KNL1: variants seen among roughly 807,000 people sequenced by gnomAD.
The protein encoded by KNL1 is outer kinetochore KNL1 complex subunit KNL1.
A neutral mutation model predicts 201.3 loss-of-function variants in KNL1; 66 were observed. That is an observed-to-expected ratio of 0.33 (90% CI 0.27 to 0.40). The LOEUF (loss-of-function observed/expected upper bound fraction) is 0.40. KNL1 is among the 10% of genes least tolerant of loss of function. The pLI is 1.00. For synonymous variants in KNL1, 895 were observed against 899.2 expected (o/e 1.00, Z 0.08); for missense variants, 2,815 against 2,690.5 (o/e 1.05, Z -1.02).
chr15:40,601,776 C>T lies in KNL1; in HGVS notation c.-17-1139C>T, dbSNP rs1276947378. On this transcript the variant is annotated intron_variant, in intron 1 of 25. Coordinates refer to ENST00000399668, the MANE Select transcript of KNL1 (RefSeq NM_144508.5). ...CCGGGAGGCGGAGCTTGCAGTGAGC[C>T]GAGATGGCGCCGCTGCTCTCCAGCC... Among the ~76,000 whole-genome samples the T allele has an allele frequency of 2.1e-5, 3 of 141,172 alleles. 1 individual carries two copies. In the South Asian group the frequency reaches 7.3e-4, roughly 35 times the overall value. The allele number at this position is 141,172 out of a possible 152,430, so 92.6% of individuals were successfully genotyped here. A position where few individuals can be genotyped will look rare whatever the true frequency, so the allele number is the denominator to read the frequency against.
At chr15:40,646,923 T>G (rs191110978) in intron 16 of KNL1, 64 bp from the exon 17 acceptor site, 95 of 755,916 alleles carry the variant, frequency 1.3e-4, no homozygotes, top group Middle Eastern at 2.7e-4. Context: ...TGTGAGCAGT[T>G]TGAACCATTT....
intron 7 of KNL1, 60 bp from the exon 8 acceptor site, chr15:40,615,281 T>C (rs1567004053): frequency 5.8e-6 from 3 of 515,798 alleles, no homozygotes; most frequent in Non-Finnish European, 1.0e-5. Context: ...TCAGCTGTTA[T>C]TGAAAGATTC....
At chr15:40,611,214 T>G (rs1373211063) in intron 6 of KNL1, among the ~76,000 whole-genome samples, 1 of 151,912 alleles carries the variant, frequency 6.6e-6, no homozygotes, top group Non-Finnish European at 1.5e-5. Context: ...GTTCAAGCAA[T>G]TCTCCTACCT....
At chr15:40,657,579 T>C (rs1893771914) in intron 24 of KNL1, 106 bp downstream of exon 24, 2 of 643,174 alleles carry the variant, frequency 3.1e-6, no homozygotes, top group South Asian at 1.9e-5. Context: ...AAGCGGGTGT[T>C]ATTCTTTCTG....
chr15:40,647,109 T>G lies in KNL1; in HGVS notation c.6094+35T>G, dbSNP rs1893413168. The G allele has an allele frequency of 2.8e-6, 3 of 1,067,792 alleles. No homozygotes were observed. The South Asian group carries it at 3.8e-5, about 14-fold the overall frequency. The allele number at this position is 1,067,792 out of a possible 1,614,324, so 66.1% of individuals were successfully genotyped here. A position where few individuals can be genotyped will look rare whatever the true frequency, so the allele number is the denominator to read the frequency against. ...TTTAAATACTTTTCCAAAAGAAAAT[T>G]TAATTTTATCTAAATGCTCTCCTAC... On this transcript the variant is annotated intron_variant, in intron 17 of 25. Coordinates refer to ENST00000399668, the MANE Select transcript of KNL1 (RefSeq NM_144508.5).
Position 40,624,660 on chromosome 15 carries a change from A to G in KNL1, c.4396A>G (p.Ile1466Val). Residue 1466 changes from isoleucine to valine, a missense_variant, in exon 10 of 26, where the codon ATA (isoleucine) becomes GTA (valine). Physicochemically the swap from Ile to Val is conservative, Grantham distance 29. Coordinates refer to ENST00000399668, the MANE Select transcript of KNL1 (RefSeq NM_144508.5). ...GQSSINKEEV[I>V]LSKAGNKSLN... ...GAGTAGTATCAATAAAGAAGAAGTA[A>G]TACTGTCTAAAGCTGGAAATAAGAG... 1 of 1,613,786 alleles carries G rather than the reference A, an allele frequency of 6.2e-7. No individual in the cohort carries two copies. Among genetic ancestry groups the G allele is most frequent in the Non-Finnish European group, 8.5e-7 (1 of 1,179,792 alleles).
rs765492690 is a variant in KNL1 at position 40,618,984 on chromosome 15, C to T, written c.348C>T (p.Pro116=). ...ITGMNTLLSA[P]IHTQMQQKEF... is the part of the protein sequence containing the mutation. The stretch of plus-strand genomic sequence containing the variant: ...GGATGAACACATTGCTTTCTGCTCC[C>T]ATTCATACCCAGATGCAACAGAAGG... Residue 116 remains proline, a synonymous_variant, in exon 9 of 26, where the codon CCC becomes CCT. Coordinates refer to ENST00000399668, the MANE Select transcript of KNL1 (RefSeq NM_144508.5). 7.5e-6 allele frequency: 12 copies of T among 1,606,620 alleles called. No homozygotes were observed. In the East Asian group the frequency reaches 2.7e-4, roughly 36 times the overall value.
intron 24 of KNL1, among the ~76,000 whole-genome samples, 165 bp from the exon 25 acceptor site, chr15:40,659,174 A>T (rs1893829055): frequency 6.6e-6 from 1 of 150,730 alleles, no homozygotes; most frequent in Non-Finnish European, 1.5e-5. Flanking sequence ...GCTACTTGGG[A>T]GAATCGATAG....
chr15:40,638,242 G>A (rs1338354674), intron 13 of KNL1, among the ~76,000 whole-genome samples: 1 of 88,994 alleles, frequency 1.1e-5, no homozygotes, highest in East Asian at 3.8e-4. Flanking sequence ...GGGAGGGGAG[G>A]GGAAGGGAGG....
chr15:40,661,824 C>CTTG (rs1219788321), intron 25 of KNL1, among the ~76,000 whole-genome samples: 1 of 152,034 alleles, frequency 6.6e-6, no homozygotes, highest in East Asian at 1.9e-4. Context: ...GGGTGGATCA[C>CTTG]AAGGCCAGGA....
chr15:40,640,182 C>T lies in KNL1; in HGVS notation c.5683-730C>T, dbSNP rs558114420. Among the ~76,000 whole-genome samples the T allele has an allele frequency of 3.4e-5, 5 of 149,200 alleles. No homozygotes were observed. In the East Asian group the frequency reaches 9.9e-4, roughly 30 times the overall value. ...CGCAATCTCGGCTCACTGCAGCCTA[C>T]ACCTCCTGGGCTCAAGTAATTCTCC... On this transcript the variant is annotated intron_variant, in intron 13 of 25. Coordinates refer to ENST00000399668, the MANE Select transcript of KNL1 (RefSeq NM_144508.5).
chr15:40,616,920 T>C (rs116869177), intron 8 of KNL1, among the ~76,000 whole-genome samples: 2,145 of 152,328 alleles, frequency 0.014, 21 homozygotes, highest in Non-Finnish European at 0.023. Context: ...AAACTCTTTT[T>C]CTGCCTATAT....
chr15:40,603,874 G>A (rs1221832141), intron 2 of KNL1, among the ~76,000 whole-genome samples: 1 of 152,196 alleles, frequency 6.6e-6, no homozygotes, highest in Non-Finnish European at 1.5e-5. Flanking sequence ...GGTGTTTTAT[G>A]CAGACATTTT....
rs369221746 is a variant in KNL1, at chr15:40,625,328, G to A, written c.5064G>A (p.Pro1688=). The A allele has an allele frequency of 5.6e-6, 9 of 1,613,890 alleles. No homozygotes were observed. The South Asian group carries it at 7.7e-5, about 14-fold the overall frequency. The change falls in exon 10 of 26, where the codon CCG becomes CCA. Residue 1688 remains proline (P), a synonymous_variant. Coordinates refer to ENST00000399668, the MANE Select transcript of KNL1 (RefSeq NM_144508.5). ...TTDINHLETQ[P]VSSKDSGIGS... ...ATATAAATCACTTAGAAACTCAGCC[G>A]GTCTCTAGCAAAGATTCAGGCATTG...
Position 40,652,171 on chromosome 15 carries a change from A to G in KNL1, c.6415+66A>G, listed in dbSNP as rs944511564. On this transcript the variant is annotated intron_variant, in intron 21 of 25. Coordinates refer to ENST00000399668, the MANE Select transcript of KNL1 (RefSeq NM_144508.5). ...AATGGCTACACTCACTAAAGATTCA[A>G]ATCTTTATTTTACTATACTGATAAC... The G allele has an allele frequency of 1.3e-4, 137 of 1,063,088 alleles. No homozygotes were observed. In the East Asian group the frequency reaches 3.0e-3, roughly 23 times the overall value. The allele number at this position is 1,063,088 out of a possible 1,614,324, so 65.9% of individuals were successfully genotyped here. A position where few individuals can be genotyped will look rare whatever the true frequency, so the allele number is the denominator to read the frequency against.
At position 40,625,204 on chromosome 15, in the gene KNL1, G is replaced by A. The variant is rs1419185118; in HGVS notation, c.4940G>A (p.Arg1647Lys). The change falls in exon 10 of 26, where the codon AGA becomes AAA. Residue 1647 changes from arginine (R) to lysine (K), a missense_variant. By Grantham distance (26) the Arg-to-Lys change is conservative. Around this residue, in one of 3 missense-constraint regions of KNL1, gnomAD observed 2,464 missense variants for 2,291.7 expected, o/e 1.08. Transcript: ENST00000399668. ...ACAGTTTTTAAAGATAAAGTAAGGAGATGTTCTTTGGGAATCTTTTTGCCT... is the reference window on the plus strand; with the variant it reads ...ACAGTTTTTAAAGATAAAGTAAGGAAATGTTCTTTGGGAATCTTTTTGCCT... ...PKTVFKDKVR[R>K]CSLGIFLPRL... The A allele has an allele frequency of 1.2e-6, 2 of 1,614,022 alleles. No individual in the cohort carries two copies. The highest frequency in any genetic ancestry group is 1.1e-5 in the South Asian group (1 of 91,068).
intron 17 of KNL1, 141 bp from the exon 18 acceptor site, chr15:40,650,160 A>G (rs1008175335): frequency 3.4e-6 from 2 of 591,238 alleles, no homozygotes; most frequent in Non-Finnish European, 5.8e-6. Context: ...TCAGACTAGA[A>G]CTTCTGAACT....
intron 13 of KNL1, among the ~76,000 whole-genome samples, chr15:40,634,398 C>G (rs138784024): frequency 6.6e-6 from 1 of 152,244 alleles, no homozygotes; most frequent in African/African-American, 2.4e-5. Flanking sequence ...AGCCACCACG[C>G]CTGGTGCGTG....
Position 40,662,218 on chromosome 15 carries a change from C to A in KNL1, c.*30C>A. Reference sequence around the variant, plus strand: ...TTGGACCACCATTGGAACAACCAAGCAGAATGTACTTGATATTATTTCAGG... The same window carrying A: ...TTGGACCACCATTGGAACAACCAAGAAGAATGTACTTGATATTATTTCAGG... On this transcript the variant is annotated 3_prime_UTR_variant, in exon 26 of 26. Coordinates refer to ENST00000399668, the MANE Select transcript of KNL1 (RefSeq NM_144508.5). 1.7e-6 allele frequency: 2 copies of A among 1,210,960 alleles called. No individual in the cohort carries two copies. The highest frequency in any genetic ancestry group is 1.2e-6 in the Non-Finnish European group (1 of 814,348). 75.0% of individuals were successfully genotyped at this position (1,210,960 alleles called of 1,614,324 possible).
Sources: allele counts gnomAD v4.1 joint callset (sites outside exome capture counted in the v4.1 genomes callset), GRCh38; gene constraint gnomAD v4.1.1; regional missense constraint gnomAD v4.1.1; transcripts MANE v1.5; gene names NCBI Gene and HGNC (gene_info 2026-07-23, HGNC 2026-07-21).